The following MCRIP2 variants were observed in gnomAD, a reference collection of about 807,000 sequenced individuals.
MCRIP2 encodes the protein MAPK regulated corepressor interacting protein 2, also known as MAPK regulated co-repressor interacting protein 2.
Under a neutral mutation model 23.2 loss-of-function variants are expected in MCRIP2, and 21 were observed. The ratio of observed to expected loss-of-function variants is 0.90; its 90% CI spans 0.64 to 1.30. The LOEUF (loss-of-function observed/expected upper bound fraction) is 1.30, where lower values mean the gene tolerates loss of function less well. MCRIP2 is among the 50% of genes most tolerant of loss of function. MCRIP2 has a pLI of 0.00. For missense variants in MCRIP2, 234 were observed against 223.2 expected, an observed-to-expected ratio of 1.05 and a Z score of -0.31; for synonymous variants, 121 against 100.2, an observed-to-expected ratio of 1.21 and a Z score of -1.24.
At chr16:643,462 G>A (rs141494243) in intron 2 of MCRIP2, among the ~76,000 whole-genome samples, 15 of 151,466 alleles carry the variant, frequency 9.9e-5, no homozygotes, top group African/African-American at 3.4e-4. Flanking sequence ...TAGGGAAGAA[G>A]ATGGAAATGC....
intron 2 of MCRIP2, 155 bp from the exon 3 acceptor site, chr16:647,262 G>C: frequency 9.8e-7 from 1 of 1,021,342 alleles, no homozygotes; most frequent in Non-Finnish European, 1.4e-6. Flanking sequence ...CTGGGCCACC[G>C]GCTGCTGTGG....
chr16:645,117 C>T (rs1038461922), intron 2 of MCRIP2: 1 of 152,210 alleles, frequency 6.6e-6, no homozygotes, highest in Non-Finnish European at 1.5e-5. Flanking sequence ...CTCCACCACA[C>T]CCGGCTAATT....
rs761596462 is a variant in MCRIP2 at position 648,249 on chromosome 16, C to T, written c.*59C>T. ...ACCTGTCGCCAGGAGAGAAGCATGG[C>T]GCCCTGCCCACCCACTGCGCCTGGC... On this transcript the variant is annotated 3_prime_UTR_variant, in exon 5 of 5. Transcript: ENST00000307650. 8 of 1,517,620 alleles carry T rather than the reference C, an allele frequency of 5.3e-6. No homozygotes were observed. The highest frequency in any genetic ancestry group is 2.4e-5 in the East Asian group (1 of 42,264). The allele number at this position is 1,517,620 out of a possible 1,614,324, so 94.0% of individuals were successfully genotyped here. A position where few individuals can be genotyped will look rare whatever the true frequency, so the allele number is the denominator to read the frequency against.
At chr16:647,951 G>A in intron 4 of MCRIP2, 67 bp downstream of exon 4, 1 of 1,221,716 alleles carries the variant, frequency 8.2e-7, no homozygotes, top group South Asian at 1.4e-5. Flanking sequence ...CCCAGGCCCT[G>A]CCAGGTTCCC....
chr16:643,540 CTTTTT>C (rs869168510), intron 2 of MCRIP2, among the ~76,000 whole-genome samples: 1 of 119,424 alleles, frequency 8.4e-6, no homozygotes. Flanking sequence ...GCTGTTGTCT[CTTTTT>C]TTTTTTTTTT....
At chr16:642,387 G>C (rs1327790022) in intron 2 of MCRIP2, 138 bp downstream of exon 2, 1 of 866,228 alleles carries the variant, frequency 1.2e-6, no homozygotes, top group Non-Finnish European at 1.4e-6. Flanking sequence ...CTCCGGGCGC[G>C]GGGGGTGCGC....
chr16:641,847 C>T lies in MCRIP2; in HGVS notation c.-145C>T. On this transcript the variant is annotated 5_prime_UTR_variant, in exon 1 of 5. Coordinates refer to ENST00000307650, the MANE Select transcript of MCRIP2 (RefSeq NM_138418.4). Reference sequence around the variant, plus strand: ...GCCTCCGCCGCGTGTCCGGGGTCAGCCCGAGCCCGTGCGGGCCCTTTAAGG... The same window carrying T: ...GCCTCCGCCGCGTGTCCGGGGTCAGTCCGAGCCCGTGCGGGCCCTTTAAGG... 1 of 707,494 alleles carries T rather than the reference C, an allele frequency of 1.4e-6. No individual in the cohort carries two copies. The allele number at this position is 707,494 out of a possible 1,614,324, so 43.8% of individuals were successfully genotyped here. A position where few individuals can be genotyped will look rare whatever the true frequency, so the allele number is the denominator to read the frequency against.
At chr16:642,401 T>C (rs1216140088) in intron 2 of MCRIP2, 152 bp downstream of exon 2, 3 of 678,490 alleles carry the variant, frequency 4.4e-6, no homozygotes, top group Non-Finnish European at 5.8e-6. Flanking sequence ...GGTGCGCGGG[T>C]CCTGCCCACT....
intron 2 of MCRIP2, among the ~76,000 whole-genome samples, chr16:644,911 C>T (rs2037438629): frequency 6.6e-6 from 1 of 152,072 alleles, no homozygotes. Flanking sequence ...TGGGTCTGGG[C>T]ACTGCCCACG....
rs1254945961 is a variant in MCRIP2, at chr16:647,854, G to A, written c.382G>A (p.Val128Met). 5.7e-6 allele frequency: 9 copies of A among 1,571,460 alleles called. No individual in the cohort carries two copies. Among genetic ancestry groups the A allele is most frequent in the African/African-American group, 5.4e-5 (4 of 74,030 alleles). The change falls in exon 4 of 5, where the codon GTG becomes ATG. Residue 128 changes from valine (V) to methionine (M), a missense_variant. Val to Met is a conservative substitution (Grantham distance 21). Transcript: ENST00000307650. ...GGGCGGGCCAAGGCCTGTGCAGTACGTGGAGAGGACCCCCAATCCCCGGCT... is the reference window on the plus strand; with the variant it reads ...GGGCGGGCCAAGGCCTGTGCAGTACATGGAGAGGACCCCCAATCCCCGGCT... ...GEGGPRPVQY[V>M]ERTPNPRLQN...
At position 646,475 on chromosome 16, in the gene MCRIP2, C is replaced by T. The variant is rs1008691358; in HGVS notation, c.183-942C>T. The T allele has an allele frequency of 2.6e-5, 4 of 152,214 alleles. No individual in the cohort carries two copies. The highest frequency in any genetic ancestry group is 4.8e-5 in the African/African-American group (2 of 41,452). The allele number at this position is 152,214 out of a possible 1,614,324, so 9.4% of individuals were successfully genotyped here. ...AAGACACTCCTCTTTATTTTAGTGC[C>T]CCTCTCAGCTGAGGAGGAACCGAGA... is the stretch of plus-strand genomic sequence containing the variant. On this transcript the variant is annotated intron_variant, in intron 2 of 4. Coordinates refer to ENST00000307650, the MANE Select transcript of MCRIP2 (RefSeq NM_138418.4). The surrounding 1 kb of genome is among the most constrained non-coding windows in gnomAD (Gnocchi z 6.5).
In MCRIP2 at chr16:647,833, G is replaced by T. The variant is rs541715975; in HGVS notation, c.361G>T (p.Gly121Trp). 3 of 1,578,304 alleles carry T rather than the reference G, an allele frequency of 1.9e-6. No homozygotes were observed. Among genetic ancestry groups the T allele is most frequent in the Non-Finnish European group, 2.6e-6 (3 of 1,162,874 alleles). Residue 121 changes from glycine (G) to tryptophan (W), a missense_variant, in exon 4 of 5, where the codon GGG becomes TGG. By Grantham distance (184) the Gly-to-Trp change is radical (BLOSUM62 -2). Coordinates refer to ENST00000307650, the MANE Select transcript of MCRIP2 (RefSeq NM_138418.4). ...QLDGGPAGEGGPRPVQYVERT... is the reference protein window; with the variant it reads ...QLDGGPAGEGWPRPVQYVERT... ...GGATGGTGGCCCAGCCGGTGAGGGC[G>T]GGCCAAGGCCTGTGCAGTACGTGGA...
chr16:646,912 C>G lies in MCRIP2; in HGVS notation c.183-505C>G, dbSNP rs1398343976. 1 of 163,580 alleles carries G rather than the reference C, an allele frequency of 6.1e-6. No individual in the cohort carries two copies. Among genetic ancestry groups the G allele is most frequent in the Non-Finnish European group, 1.3e-5 (1 of 74,588 alleles). The allele number at this position is 163,580 out of a possible 1,614,324, so 10.1% of individuals were successfully genotyped here. ...GAGGGCAAAGGCCCCCGTTCCCGTCCAGGTCCATCCGTCCATGGAGGGAAA... is the reference window on the plus strand; with the variant it reads ...GAGGGCAAAGGCCCCCGTTCCCGTCGAGGTCCATCCGTCCATGGAGGGAAA... On this transcript the variant is annotated intron_variant, in intron 2 of 4. Transcript: ENST00000307650. This position sits in a 1 kb window ranked among gnomAD's most constrained non-coding sequence, Gnocchi z 6.5.
rs1596455878 is a variant in MCRIP2 at position 648,372 on chromosome 16, G to A, written c.*182G>A. ...AACCAAGCTGCCATGGCCAAGGGCC[G>A]AACCCGTCTGACCTCAGCCCTGCTC... is the stretch of plus-strand genomic sequence containing the variant. On this transcript the variant is annotated 3_prime_UTR_variant, in exon 5 of 5. Transcript: ENST00000307650. 1.8e-5 allele frequency: 12 copies of A among 666,470 alleles called. No homozygotes were observed. The East Asian group carries it at 2.2e-4, about 12-fold the overall frequency. 41.3% of individuals were successfully genotyped at this position (666,470 alleles called of 1,614,324 possible). A position where few individuals can be genotyped will look rare whatever the true frequency, so the allele number is the denominator to read the frequency against.
chr16:647,817 C>G lies in MCRIP2; in HGVS notation c.345C>G (p.Gly115=). The change falls in exon 4 of 5, where the codon GGC becomes GGG. Residue 115 remains glycine (G), a synonymous_variant. Coordinates refer to ENST00000307650, the MANE Select transcript of MCRIP2 (RefSeq NM_138418.4). The stretch of plus-strand genomic sequence containing the variant: ...AGGTGCAACAGCAGCTGGATGGTGG[C>G]CCAGCCGGTGAGGGCGGGCCAAGGC... ...WQQVQQQLDG[G]PAGEGGPRPV... 6.3e-7 allele frequency: 1 copy of G among 1,576,848 alleles called. No individual in the cohort carries two copies. Among genetic ancestry groups the G allele is most frequent in the East Asian group, 2.3e-5 (1 of 42,960 alleles).
intron 2 of MCRIP2, 62 bp downstream of exon 2, chr16:642,311 A>G (rs2037367246): frequency 1.8e-6 from 2 of 1,129,946 alleles, no homozygotes; most frequent in Admixed American, 4.9e-5. Context: ...CGGCCGCCCT[A>G]GAGCGGAGGG....
At chr16:647,292 C>T (rs1483612689) in intron 2 of MCRIP2, 125 bp from the exon 3 acceptor site, 4 of 1,398,246 alleles carry the variant, frequency 2.9e-6, no homozygotes, top group Non-Finnish European at 3.9e-6. Context: ...CTCTCTGGTT[C>T]AGGAAGTGCC....
At chr16:647,159 G>T in intron 2 of MCRIP2, 1 of 566,004 alleles carries the variant, frequency 1.8e-6, no homozygotes, top group Non-Finnish European at 3.2e-6. Flanking sequence ...CTCTAAGACT[G>T]AGGCCCCCAC....
At chr16:644,001 G>T (rs1024080872) in intron 2 of MCRIP2, among the ~76,000 whole-genome samples, 1 of 152,074 alleles carries the variant, frequency 6.6e-6, no homozygotes, top group Non-Finnish European at 1.5e-5. Flanking sequence ...AGGCCCCAGC[G>T]CTGGGAGCTT....
Sources: allele counts gnomAD v4.1 joint callset (sites outside exome capture counted in the v4.1 genomes callset), GRCh38; gene constraint gnomAD v4.1.1; non-coding constraint Gnocchi (gnomAD v3.1); transcripts MANE v1.5; gene names NCBI Gene and HGNC (gene_info 2026-07-23, HGNC 2026-07-21).